Variants in MET observed in about 807,000 individuals in gnomAD.
MET encodes MET proto-oncogene, receptor tyrosine kinase, also known as hepatocyte growth factor receptor.
A neutral mutation model predicts 133.1 loss-of-function variants in MET; 48 were observed. The observed-to-expected ratio is 0.36, with a 90% CI of 0.29 to 0.46. MET has a LOEUF of 0.46. Ranked by LOEUF, MET falls within the 20% of genes least tolerant of loss-of-function variation. MET has a pLI of 1.00. For missense variants in MET, 1,442 were observed against 1,695.9 expected, an observed-to-expected ratio of 0.85 and a Z score of 2.63; for synonymous variants, 628 against 616.5, an observed-to-expected ratio of 1.02 and a Z score of -0.28.
chr7:116,687,364 C>T (rs181246833), intron 1 of MET, among the ~76,000 whole-genome samples: 208 of 152,316 alleles, frequency 1.4e-3, no homozygotes, highest in African/African-American at 4.0e-3. Flanking sequence ...TTATGAGAAT[C>T]TATTTGCTCA....
rs1584876390 is a variant in MET at position 116,699,381 on chromosome 7, G to A, written c.297G>A (p.Gln99=). The A allele has an allele frequency of 1.9e-6, 3 of 1,613,898 alleles. No homozygotes were observed. The highest frequency in any genetic ancestry group is 2.5e-6 in the Non-Finnish European group (3 of 1,179,952). Residue 99 remains glutamine (Q), a synonymous_variant, in exon 2 of 21, where the codon CAG becomes CAA. Transcript: ENST00000397752. ...VLEHPDCFPC[Q]DCSSKANLSG... ...AACACCCAGATTGTTTCCCATGTCA[G>A]GACTGCAGCAGCAAAGCCAATTTAT...
At chr7:116,692,473 G>A (rs993505280) in intron 1 of MET, among the ~76,000 whole-genome samples, 5 of 152,144 alleles carry the variant, frequency 3.3e-5, no homozygotes, top group Non-Finnish European at 7.3e-5. Context: ...ATGTTTTTAT[G>A]ATGAGGACAG....
At chr7:116,764,030 T>A (rs1048814462) in intron 11 of MET, among the ~76,000 whole-genome samples, 1 of 152,094 alleles carries the variant, frequency 6.6e-6, no homozygotes, top group Non-Finnish European at 1.5e-5. Flanking sequence ...ACATTTAGAA[T>A]TTTTTTTCCT....
intron 3 of MET, among the ~76,000 whole-genome samples, chr7:116,733,176 T>C (rs1793084916): frequency 6.6e-6 from 1 of 152,092 alleles, no homozygotes; most frequent in South Asian, 2.1e-4. Flanking sequence ...TATGCTCATA[T>C]CTATTATGTG....
At chr7:116,698,782 A>G (rs1314499806) in intron 1 of MET, among the ~76,000 whole-genome samples, 2 of 152,230 alleles carry the variant, frequency 1.3e-5, no homozygotes, top group Admixed American at 6.5e-5. Flanking sequence ...TCATTGCTGA[A>G]TGAGTCTAAC....
rs776754079 is a variant in MET, at chr7:116,700,297, A to T, written c.1200+13A>T. 2 of 1,599,648 alleles carry T rather than the reference A, an allele frequency of 1.3e-6. No homozygotes were observed. Among genetic ancestry groups the T allele is most frequent in the South Asian group, 2.2e-5 (2 of 89,420 alleles). ...CTGCTTTAATAGGGTAAGTCACATC[A>T]GTTCCCCACTTATAAACTGTGAGGT... On this transcript the variant is annotated intron_variant, in intron 2 of 20. Coordinates refer to ENST00000397752, the MANE Select transcript of MET (RefSeq NM_000245.4).
chr7:116,795,693 A>G lies in MET; in HGVS notation c.3837A>G (p.Arg1279=). ...FGVLLWELMT[R]GAPPYPDVNT... ...TGCTCCTCTGGGAGCTGATGACAAG[A>G]GGAGCCCCACCTTATCCTGACGTAA... The change falls in exon 20 of 21, where the codon AGA becomes AGG. Residue 1279 remains arginine, a synonymous_variant. Transcript: ENST00000397752. 1 of 1,614,106 alleles carries G rather than the reference A, an allele frequency of 6.2e-7. No homozygotes were observed.
At chr7:116,785,177 C>T (rs1258207909) in intron 19 of MET, among the ~76,000 whole-genome samples, 3 of 152,350 alleles carry the variant, frequency 2.0e-5, no homozygotes, top group East Asian at 3.9e-4. Context: ...CTACAGGGCT[C>T]AGCCCCATGG....
At chr7:116,716,881 G>C (rs990930106) in intron 2 of MET, among the ~76,000 whole-genome samples, 8 of 152,198 alleles carry the variant, frequency 5.3e-5, no homozygotes, top group South Asian at 2.1e-4. Flanking sequence ...GCTCCCGGCT[G>C]TCTGGCTGCA....
chr7:116,690,054 T>C (rs1305411309), intron 1 of MET, among the ~76,000 whole-genome samples: 2 of 152,134 alleles, frequency 1.3e-5, no homozygotes, highest in East Asian at 1.9e-4. Flanking sequence ...ATTTAAACTT[T>C]AGATGAGAGG....
At chr7:116,770,355 A>G (rs917263857) in intron 12 of MET, among the ~76,000 whole-genome samples, 1 of 152,136 alleles carries the variant, frequency 6.6e-6, no homozygotes, top group Non-Finnish European at 1.5e-5. Context: ...CACCCATTGA[A>G]AGTGCACAGT....
intron 19 of MET, among the ~76,000 whole-genome samples, chr7:116,792,482 CACACACA>C (rs1795539343): frequency 6.8e-6 from 1 of 147,746 alleles, no homozygotes; most frequent in Non-Finnish European, 1.5e-5. Flanking sequence ...CACACACACA[CACACACA>C]CACACACACA....
chr7:116,787,560 A>AT (rs1795355555), intron 19 of MET, among the ~76,000 whole-genome samples: 1 of 152,154 alleles, frequency 6.6e-6, no homozygotes, highest in Non-Finnish European at 1.5e-5. Context: ...AGGTGAACAG[A>AT]TTCTCTAACA....
In MET at chr7:116,733,705, T is replaced by C. The variant is rs193124340; in HGVS notation, c.1392+1846T>C. On this transcript the variant is annotated intron_variant, in intron 3 of 20. Coordinates refer to ENST00000397752, the MANE Select transcript of MET (RefSeq NM_000245.4). ...AAAAAAATGCTTATTTTATGAAAAG[T>C]ACTGGTATCACTGATTTTTTTTAAA... is the stretch of plus-strand genomic sequence containing the variant. Among the ~76,000 whole-genome samples, 486 of 152,336 alleles carry C rather than the reference T, an allele frequency of 3.2e-3. 2 individuals carry two copies. The highest frequency in any genetic ancestry group is 5.5e-3 in the Non-Finnish European group (377 of 68,016).
chr7:116,759,251 A>G, intron 9 of MET, 140 bp from the exon 10 acceptor site: 1 of 1,259,276 alleles, frequency 7.9e-7, no homozygotes, highest in Non-Finnish European at 1.1e-6. Flanking sequence ...TCCAAAGAAC[A>G]GTTACCCATG....
rs1417054613 is a variant in MET, at chr7:116,699,453, C to T, written c.369C>T (p.Asp123=). 3 of 1,614,030 alleles carry T rather than the reference C, an allele frequency of 1.9e-6. No homozygotes were observed. Among genetic ancestry groups the T allele is most frequent in the Non-Finnish European group, 2.5e-6 (3 of 1,179,950 alleles). Residue 123 remains aspartate, a synonymous_variant, in exon 2 of 21, where the codon GAC becomes GAT. Transcript: ENST00000397752. ...KDNINMALVV[D]TYYDDQLISC... is the part of the protein sequence containing the mutation. ...ACATCAACATGGCTCTAGTTGTCGA[C>T]ACCTACTATGATGATCAACTCATTA...
intron 19 of MET, among the ~76,000 whole-genome samples, chr7:116,790,606 C>G (rs1795456972): frequency 6.6e-6 from 1 of 151,886 alleles, no homozygotes; most frequent in Non-Finnish European, 1.5e-5. Flanking sequence ...TCCTTTTTTT[C>G]AATTCTTTTG....
rs1243679064 is a variant in MET, at chr7:116,778,688, A to G, written c.3341-88A>G. On this transcript the variant is annotated intron_variant, in intron 16 of 20. Coordinates refer to ENST00000397752, the MANE Select transcript of MET (RefSeq NM_000245.4). ...GGACAAGATGCTAACTGTGTGGTTT[A>G]CCATTTCATTGCTCTTCCTATCTAA... 17 of 1,345,650 alleles carry G rather than the reference A, an allele frequency of 1.3e-5. No homozygotes were observed. In the East Asian group the frequency reaches 3.5e-4, roughly 27 times the overall value. 83.4% of individuals were successfully genotyped at this position (1,345,650 alleles called of 1,614,324 possible). A position where few individuals can be genotyped will look rare whatever the true frequency, so the allele number is the denominator to read the frequency against.
rs927741929 is a variant in MET, at chr7:116,718,725, G to A, written c.1201-12943G>A. Reference sequence around the variant, plus strand: ...ATCTCATTGTTCAATTCCCACCTATGAGTGAGAATATGCGGTGTTTGGTTT... The same window carrying A: ...ATCTCATTGTTCAATTCCCACCTATAAGTGAGAATATGCGGTGTTTGGTTT... On this transcript the variant is annotated intron_variant, in intron 2 of 20. Coordinates refer to ENST00000397752, the MANE Select transcript of MET (RefSeq NM_000245.4). Among the ~76,000 whole-genome samples, 6 of 147,708 alleles carry A rather than the reference G, an allele frequency of 4.1e-5. No homozygotes were observed. In the South Asian group the frequency reaches 1.1e-3, roughly 27 times the overall value.
Sources: allele counts gnomAD v4.1 joint callset (sites outside exome capture counted in the v4.1 genomes callset), GRCh38; gene constraint gnomAD v4.1.1; transcripts MANE v1.5; gene names NCBI Gene and HGNC (gene_info 2026-07-23, HGNC 2026-07-21).